The following MYH10 variants were observed in gnomAD, a reference collection of about 807,000 sequenced individuals.
MYH10 encodes myosin-10.
A neutral mutation model predicts 257.8 loss-of-function variants in MYH10; 55 were observed. The observed-to-expected ratio is 0.21, with a 90% CI of 0.17 to 0.27. The LOEUF is 0.27. Among genes scored for constraint, MYH10 ranks in the 10% least tolerant of loss-of-function variants. The pLI is 1.00. For synonymous variants in MYH10, 854 were observed against 921.7 expected (o/e 0.93, Z 1.33); for missense variants, 1,631 against 2,500.6 (o/e 0.65, Z 7.42).
intron 7 of MYH10, chr17:8,561,692 G>T: frequency 1.6e-6 from 1 of 622,056 alleles, no homozygotes; most frequent in Non-Finnish European, 2.8e-6. Context: ...GAGCTGTAGA[G>T]AAATGTTCCA....
intron 26 of MYH10, among the ~76,000 whole-genome samples, chr17:8,507,435 T>C (rs2081109399): frequency 6.6e-6 from 1 of 152,194 alleles, no homozygotes; most frequent in Non-Finnish European, 1.5e-5. Context: ...CCTCTTTTCT[T>C]ATTGCTTTTG....
At chr17:8,578,934 G>T (rs1360430020) in intron 4 of MYH10, among the ~76,000 whole-genome samples, 5 of 152,084 alleles carry the variant, frequency 3.3e-5, no homozygotes, top group African/African-American at 1.2e-4. Flanking sequence ...TTAATCTAAG[G>T]ATTGAAAATC....
Position 8,581,301 on chromosome 17 carries a change from G to A in MYH10, c.531-3963C>T, listed in dbSNP as rs528898940. Among the ~76,000 whole-genome samples, 5 of 152,194 alleles carry A rather than the reference G, an allele frequency of 3.3e-5. No individual in the cohort carries two copies. The South Asian group carries it at 6.2e-4, about 19-fold the overall frequency. ...AATACTGAGTGTTTCCATATTAATC[G>A]TGATGTTGGTTGTTGGTTTCAAAAA... On this transcript the variant is annotated intron_variant, in intron 4 of 42. Coordinates refer to ENST00000360416, the MANE Select transcript of MYH10 (RefSeq NM_001256012.3).
At chr17:8,480,032 C>G (rs1312131432) in intron 40 of MYH10, 78 bp downstream of exon 40, 6 of 1,472,974 alleles carry the variant, frequency 4.1e-6, no homozygotes, top group East Asian at 4.5e-5. Flanking sequence ...GGGAGCCCCC[C>G]CGAAAGGGGC....
At chr17:8,525,298 C>T (rs1427059165) in intron 17 of MYH10, among the ~76,000 whole-genome samples, 1 of 152,244 alleles carries the variant, frequency 6.6e-6, no homozygotes, top group Non-Finnish European at 1.5e-5. Context: ...ATCCCTGGGA[C>T]AGAACTTCCA....
chr17:8,577,133 C>T, intron 5 of MYH10, 103 bp downstream of exon 5: 1 of 789,450 alleles, frequency 1.3e-6, no homozygotes, highest in Non-Finnish European at 2.0e-6. Flanking sequence ...GACAAGGGAG[C>T]TGTCAGTTAT....
chr17:8,524,957 C>T (rs538748172), intron 17 of MYH10, among the ~76,000 whole-genome samples: 3 of 152,178 alleles, frequency 2.0e-5, no homozygotes, highest in Non-Finnish European at 4.4e-5. Context: ...CAATTTCCTC[C>T]TCTTGAAATG....
intron 14 of MYH10, 82 bp from the exon 15 acceptor site, chr17:8,536,013 C>T (rs917125286): frequency 2.7e-5 from 36 of 1,316,074 alleles, no homozygotes; most frequent in Middle Eastern, 1.9e-4. Context: ...ACTTCTAAAA[C>T]AATTAGTTTT....
intron 7 of MYH10, among the ~76,000 whole-genome samples, chr17:8,568,798 A>G (rs268453): frequency 0.96 from 146,614 of 152,030 alleles, 70,928 homozygotes; most frequent in East Asian, 1. Flanking sequence ...CTGGGGTGGA[A>G]AGGGGCAGTG....
At chr17:8,615,052 G>C (rs1480054780) in intron 2 of MYH10, among the ~76,000 whole-genome samples, 2 of 152,288 alleles carry the variant, frequency 1.3e-5, no homozygotes, top group Admixed American at 6.5e-5. Flanking sequence ...CCAACACTTT[G>C]GGAGGTCAAA....
At chr17:8,608,436 C>T (rs1408736696) in intron 2 of MYH10, among the ~76,000 whole-genome samples, 2 of 152,168 alleles carry the variant, frequency 1.3e-5, no homozygotes, top group Non-Finnish European at 2.9e-5. Context: ...AAGAGGACTC[C>T]AAGGTCTCCA....
chr17:8,502,222 G>A (rs1307153035), intron 28 of MYH10, among the ~76,000 whole-genome samples: 2 of 152,066 alleles, frequency 1.3e-5, no homozygotes, highest in South Asian at 2.1e-4. Context: ...ATCTGCAGGG[G>A]CTGGCTGAGA....
intron 42 of MYH10, among the ~76,000 whole-genome samples, chr17:8,476,474 C>T (rs1422541647): frequency 9.2e-5 from 14 of 152,186 alleles, no homozygotes; most frequent in African/African-American, 3.4e-4. Context: ...ACGCTCTGCC[C>T]TCTCACTGGT....
At chr17:8,492,607 T>TAG (rs1255916779) in intron 33 of MYH10, 98 bp from the exon 34 acceptor site, 16 of 1,310,826 alleles carry the variant, frequency 1.2e-5, no homozygotes, top group Non-Finnish European at 1.6e-5. Context: ...GTGCTGCCAC[T>TAG]AGATTATGGT....
rs758371369 is a variant in MYH10 at position 8,475,804 on chromosome 17, T to C, written c.6024A>G (p.Ter2008=). 6.2e-7 allele frequency: 1 copy of C among 1,613,796 alleles called. No individual in the cohort carries two copies. The change falls in exon 43 of 43, where the codon TAA becomes TAG. Residue 2008 remains the stop codon, a stop_retained_variant. Coordinates refer to ENST00000360416, the MANE Select transcript of MYH10 (RefSeq NM_001256012.3). ...VNETQPPQSE[*] is the part of the protein sequence containing the mutation. Reference sequence around the variant, plus strand: ...TTGCCTCCTCTGGCTTCCTGCAACTTTACTCTGACTGGGGTGGCTGCGTCT... The same window carrying C: ...TTGCCTCCTCTGGCTTCCTGCAACTCTACTCTGACTGGGGTGGCTGCGTCT...
intron 6 of MYH10, among the ~76,000 whole-genome samples, chr17:8,571,176 T>TTTTC: frequency 3.7e-5 from 1 of 26,774 alleles, no homozygotes; most frequent in East Asian, 1.3e-3. Context: ...CTGTAAAGTT[T>TTTTC]TTGTTTTTTT....
intron 30 of MYH10, 30 bp from the exon 31 acceptor site, chr17:8,495,271 CAA>C (rs1916403520): frequency 7.4e-7 from 1 of 1,349,352 alleles, no homozygotes; most frequent in African/African-American, 1.4e-5. Context: ...AAATTCAACT[CAA>C]TAGTAAGCAA....
chr17:8,478,786 A>AGT (rs1454565041), intron 40 of MYH10, among the ~76,000 whole-genome samples: 1 of 152,198 alleles, frequency 6.6e-6, no homozygotes, highest in Non-Finnish European at 1.5e-5. Flanking sequence ...GCTGGGGTGC[A>AGT]GTGGCGCCAT....
In MYH10 at chr17:8,552,687, CTA is replaced by C. The variant is rs2151965647; in HGVS notation, c.821-545_821-544del. Among the ~76,000 whole-genome samples, 1 of 152,274 alleles carries C rather than the reference CTA, an allele frequency of 6.6e-6. No individual in the cohort carries two copies. The highest frequency in any genetic ancestry group is 2.1e-4 in the South Asian group (1 of 4,820). On this transcript the variant is annotated intron_variant, in intron 8 of 42. Coordinates refer to ENST00000360416, the MANE Select transcript of MYH10 (RefSeq NM_001256012.3). This position sits in a 1 kb window ranked among gnomAD's most constrained non-coding sequence, Gnocchi z 4.8. ...ACAATGCTACCCTATTGAAAGCCTC[CTA>C]TATGAGAGGCACTCGCCCTTCACAC...
Sources: gnomAD v4.1 joint callset for allele counts (sites outside exome capture counted in the v4.1 genomes callset) on GRCh38, gnomAD v4.1.1 for gene constraint, Gnocchi (gnomAD v3.1) non-coding constraint, MANE v1.5 for transcripts, NCBI Gene and HGNC (gene_info 2026-07-23, HGNC 2026-07-21) for gene names.